HSPG2: variants seen among roughly 807,000 people sequenced by gnomAD.
HSPG2 encodes heparan sulfate proteoglycan 2, also known as basement membrane-specific heparan sulfate proteoglycan core protein.
In HSPG2, 278 loss-of-function variants were observed where a neutral mutation model predicts 526.6. That is an observed-to-expected ratio of 0.53 (90% confidence interval 0.48 to 0.58). The LOEUF is 0.58. Among genes scored for constraint, HSPG2 ranks in the 20% least tolerant of loss-of-function variants. The pLI is 0.00. For missense variants in HSPG2, 5,354 were observed against 6,099.5 expected, an observed-to-expected ratio of 0.88 and a Z score of 4.07; for synonymous variants, 2,465 against 2,555.4, an observed-to-expected ratio of 0.96 and a Z score of 1.07.
rs74062207 is a variant in HSPG2 at position 21,898,341 on chromosome 1, G to A, written c.64-2031C>T. On this transcript the variant is annotated intron_variant, in intron 1 of 96. Transcript: ENST00000374695. This position sits in a 1 kb window ranked among gnomAD's most constrained non-coding sequence, Gnocchi z 4.0. ...AAGCCCTTACCCCCAACAATCCAGCGGCAAATGTTGCCTCCTGTTCCTTCT... is the reference window on the plus strand; with the variant it reads ...AAGCCCTTACCCCCAACAATCCAGCAGCAAATGTTGCCTCCTGTTCCTTCT... Among the ~76,000 whole-genome samples the A allele has an allele frequency of 0.055, 8,359 of 152,230 alleles. 685 individuals carry two copies. Among genetic ancestry groups the A allele is most frequent in the African/African-American group, 0.18 (7,311 of 41,510 alleles).
chr1:21,923,280 G>T (rs932876339), intron 1 of HSPG2, among the ~76,000 whole-genome samples: 1 of 152,058 alleles, frequency 6.6e-6, no homozygotes, highest in Admixed American at 6.5e-5. Context: ...AATGGCGGGC[G>T]CCTGTAATCC....
At position 21,857,465 on chromosome 1, in the gene HSPG2, C is replaced by T. The variant is rs1639432377; in HGVS notation, c.5294-80G>A. Reference sequence around the variant, plus strand: ...TGGCCACTTTGTCTTTCTCCATAACCTCTAGGCATCACTTCCTTCCTGGTC... The same window carrying T: ...TGGCCACTTTGTCTTTCTCCATAACTTCTAGGCATCACTTCCTTCCTGGTC... On this transcript the variant is annotated intron_variant, in intron 42 of 96. Coordinates refer to ENST00000374695, the MANE Select transcript of HSPG2 (RefSeq NM_005529.7). 1.5e-5 allele frequency: 18 copies of T among 1,234,990 alleles called. No homozygotes were observed. The East Asian group carries it at 2.6e-4, about 18-fold the overall frequency. 76.5% of individuals were successfully genotyped at this position (1,234,990 alleles called of 1,614,324 possible).
intron 91 of HSPG2, among the ~76,000 whole-genome samples, chr1:21,826,982 C>T (rs543851646): frequency 9.7e-4 from 148 of 151,998 alleles, no homozygotes; most frequent in Non-Finnish European, 9.1e-4. Flanking sequence ...CCAAGGGGGG[C>T]GGATCACCTG....
At chr1:21,841,812 C>T (rs897917551) in intron 69 of HSPG2, 139 bp from the exon 70 acceptor site, 2 of 1,316,706 alleles carry the variant, frequency 1.5e-6, no homozygotes, top group African/African-American at 1.5e-5. Context: ...TCGCAGATAG[C>T]AGAAAGTAAC....
Position 21,865,253 on chromosome 1 carries a change from G to C in HSPG2, c.4395+32C>G, listed in dbSNP as rs986204407. 1 of 1,603,442 alleles carries C rather than the reference G, an allele frequency of 6.2e-7. No homozygotes were observed. The highest frequency in any genetic ancestry group is 8.5e-7 in the Non-Finnish European group (1 of 1,170,314). On this transcript the variant is annotated intron_variant, in intron 35 of 96. Coordinates refer to ENST00000374695, the MANE Select transcript of HSPG2 (RefSeq NM_005529.7). This position sits in a 1 kb window ranked among gnomAD's most constrained non-coding sequence, Gnocchi z 5.4. ...TGAGTCAGGGTGGAGGGTGGGGTGG[G>C]GTTAGACACAGCATGGCCAGGTGCC... is the stretch of plus-strand genomic sequence containing the variant.
chr1:21,908,101 A>T, intron 1 of HSPG2: 1 of 797,526 alleles, frequency 1.3e-6, no homozygotes, highest in East Asian at 2.4e-5. Flanking sequence ...CGCCAAAATG[A>T]CGAACACAAA....
At chr1:21,929,460 C>A (rs754112544) in intron 1 of HSPG2, among the ~76,000 whole-genome samples, 16 of 151,328 alleles carry the variant, frequency 1.1e-4, no homozygotes, top group Non-Finnish European at 1.6e-4. Flanking sequence ...CAGGCTGGAG[C>A]GCAGTGGCAA....
intron 75 of HSPG2, among the ~76,000 whole-genome samples, chr1:21,836,449 G>A (rs1181937164): frequency 6.6e-6 from 1 of 152,122 alleles, no homozygotes; most frequent in Non-Finnish European, 1.5e-5. Flanking sequence ...AGCCTCCAGC[G>A]TAGTTGGGAT....
chr1:21,836,290 G>T (rs2098025981), intron 75 of HSPG2, among the ~76,000 whole-genome samples: 2 of 152,180 alleles, frequency 1.3e-5, no homozygotes. Context: ...CAAGCACCAA[G>T]CACTGTGCAA....
chr1:21,847,621 A>G lies in HSPG2; in HGVS notation c.8025+68T>C. 1 of 1,604,586 alleles carries G rather than the reference A, an allele frequency of 6.2e-7. No homozygotes were observed. Among genetic ancestry groups the G allele is most frequent in the Non-Finnish European group, 8.5e-7 (1 of 1,174,610 alleles). On this transcript the variant is annotated intron_variant, in intron 61 of 96. Coordinates refer to ENST00000374695, the MANE Select transcript of HSPG2 (RefSeq NM_005529.7). The surrounding 1 kb of genome is among the most constrained non-coding windows in gnomAD (Gnocchi z 4.1). The stretch of plus-strand genomic sequence containing the variant: ...CTACCCAGGGCCCAATCCGTGAGAC[A>G]GGGAGCCTGCTCTGCTCACCCCAGG...
At chr1:21,899,250 G>C (rs2445142) in intron 1 of HSPG2, among the ~76,000 whole-genome samples, 67,468 of 151,972 alleles carry the variant, frequency 0.44, 16,374 homozygotes, top group East Asian at 0.64. Context: ...AAGGTTCCAG[G>C]AGCTCTGTAT....
chr1:21,848,873 A>T lies in HSPG2; in HGVS notation c.7585+20T>A. ...GGTCCCCCAGCCCTCCACCATTTGC[A>T]TGACCCCCGAGACACTCACAGTGGG... On this transcript the variant is annotated intron_variant, in intron 58 of 96. Coordinates refer to ENST00000374695, the MANE Select transcript of HSPG2 (RefSeq NM_005529.7). The surrounding 1 kb of genome is among the most constrained non-coding windows in gnomAD (Gnocchi z 4.9). 6.2e-7 allele frequency: 1 copy of T among 1,611,294 alleles called. No homozygotes were observed. The highest frequency in any genetic ancestry group is 8.5e-7 in the Non-Finnish European group (1 of 1,179,188).
intron 1 of HSPG2, among the ~76,000 whole-genome samples, chr1:21,933,219 CAAAAAAAAAA>C (rs60550984): frequency 1.1e-5 from 1 of 94,278 alleles, no homozygotes; most frequent in African/African-American, 3.9e-5. Flanking sequence ...GACCCTGTCT[CAAAAAAAAAA>C]AAAAGAAAAG....
At chr1:21,923,275 C>T (rs1471280324) in intron 1 of HSPG2, among the ~76,000 whole-genome samples, 1 of 152,018 alleles carries the variant, frequency 6.6e-6, no homozygotes, top group African/African-American at 2.4e-5. Flanking sequence ...GGCATAATGG[C>T]GGGCGCCTGT....
intron 16 of HSPG2, 37 bp from the exon 17 acceptor site, chr1:21,880,291 G>A (rs767700690): frequency 2.7e-5 from 44 of 1,613,912 alleles, no homozygotes; most frequent in South Asian, 2.0e-4. Context: ...CTGCAAGGAC[G>A]GTGAGGCCCT....
rs1640773779 is a variant in HSPG2, at chr1:21,872,969, C to A, written c.3888+28G>T. On this transcript the variant is annotated intron_variant, in intron 31 of 96. Transcript: ENST00000374695. The surrounding 1 kb of genome is among the most constrained non-coding windows in gnomAD (Gnocchi z 5.5). ...GGTCTGGGCAGCGGGGCAGAGCAGG[C>A]CCCGCAGGGACAGGGATTCGGACTG... 1 of 1,601,380 alleles carries A rather than the reference C, an allele frequency of 6.2e-7. No individual in the cohort carries two copies. Among genetic ancestry groups the A allele is most frequent in the Non-Finnish European group, 8.5e-7 (1 of 1,169,836 alleles).
In HSPG2 at chr1:21,904,560, A is replaced by C. The variant is rs1643270651; in HGVS notation, c.64-8250T>G. ...GTCCCTGCACTCTCCTCCGTCCCCC[A>C]CAGACACCCCAAGATTAGGTCTCCC... On this transcript the variant is annotated intron_variant, in intron 1 of 96. Coordinates refer to ENST00000374695, the MANE Select transcript of HSPG2 (RefSeq NM_005529.7). This position sits in a 1 kb window ranked among gnomAD's most constrained non-coding sequence, Gnocchi z 4.4. Among the ~76,000 whole-genome samples the C allele has an allele frequency of 6.6e-6, 1 of 152,106 alleles. No homozygotes were observed. Among genetic ancestry groups the C allele is most frequent in the Non-Finnish European group, 1.5e-5 (1 of 67,996 alleles).
In HSPG2 at chr1:21,864,202, G is replaced by A. The variant is rs777118903; in HGVS notation, c.4638C>T (p.Pro1546=). 2.9e-5 allele frequency: 45 copies of A among 1,551,606 alleles called. No homozygotes were observed. Among genetic ancestry groups the A allele is most frequent in the South Asian group, 1.9e-4 (16 of 84,072 alleles). ...YIGLSCQDCA[P]GYTRTGSGLY... is the part of the protein sequence containing the mutation. ...GCCCACTCCCGGTGCGCGTGTAGCC[G>A]GGGGCACAGTCCTAGGGGCAGAGAG... Residue 1546 remains proline, a synonymous_variant, in exon 37 of 97, where the codon CCC becomes CCT. Transcript: ENST00000374695. This position sits in a 1 kb window ranked among gnomAD's most constrained non-coding sequence, Gnocchi z 4.8.
chr1:21,876,929 C>T (rs558382606), intron 21 of HSPG2, among the ~76,000 whole-genome samples: 1 of 152,140 alleles, frequency 6.6e-6, no homozygotes, highest in Non-Finnish European at 1.5e-5. Flanking sequence ...CGTGGTGGCA[C>T]ACAGCTGTAA....
Sources: gnomAD v4.1 joint callset for allele counts (sites outside exome capture counted in the v4.1 genomes callset) on GRCh38, gnomAD v4.1.1 for gene constraint, Gnocchi (gnomAD v3.1) non-coding constraint, MANE v1.5 for transcripts, NCBI Gene and HGNC (gene_info 2026-07-23, HGNC 2026-07-21) for gene names.